ZNF624: variants seen among roughly 807,000 people sequenced by gnomAD.
ZNF624 encodes the protein zinc finger protein 624.
In ZNF624, 43 loss-of-function variants were observed where a neutral mutation model predicts 74.7. The observed-to-expected ratio is 0.58, with a 90% CI of 0.45 to 0.74. ZNF624 has a LOEUF of 0.74. ZNF624 is among the 30% of genes least tolerant of loss of function. ZNF624 has a pLI of 0.00. For missense variants in ZNF624, 820 were observed against 1,030.0 expected, an observed-to-expected ratio of 0.80 and a Z score of 2.79; for synonymous variants, 331 against 341.3, an observed-to-expected ratio of 0.97 and a Z score of 0.33.
intron 1 of ZNF624, 50 bp from the exon 2 acceptor site, chr17:16,649,796 A>T: frequency 1.4e-6 from 2 of 1,472,094 alleles, no homozygotes; most frequent in South Asian, 2.3e-5. Context: ...GGGGAATTTC[A>T]GACTCACCAA....
chr17:16,650,564 T>C (rs944274200), intron 1 of ZNF624, among the ~76,000 whole-genome samples: 3 of 152,168 alleles, frequency 2.0e-5, no homozygotes, highest in African/African-American at 7.2e-5. Flanking sequence ...TTTCCAGGGA[T>C]GCTTGGGCCC....
At position 16,624,088 on chromosome 17, in the gene ZNF624, C is replaced by T. The variant is rs199627072; in HGVS notation, c.798G>A (p.Gly266=). ...GTTTTTCCTTATTATTGGATTTTTT[C>T]CCCAAAGTTAGTTCTGAAGTCTGCC... ...AIRQTSELTL[G]KKSNNKEKPY... Residue 266 remains glycine, a synonymous_variant, in exon 6 of 6, where the codon GGG becomes GGA. Coordinates refer to ENST00000311331, the MANE Select transcript of ZNF624 (RefSeq NM_020787.4). 2.2e-5 allele frequency: 36 copies of T among 1,614,080 alleles called. No individual in the cohort carries two copies. The highest frequency in any genetic ancestry group is 4.0e-5 in the African/African-American group (3 of 75,050).
At chr17:16,637,181 T>C (rs866358533) in intron 3 of ZNF624, among the ~76,000 whole-genome samples, 1 of 152,178 alleles carries the variant, frequency 6.6e-6, no homozygotes, top group African/African-American at 2.4e-5. Context: ...GAAGGACCTC[T>C]TCAAGGAGAA....
chr17:16,641,306 C>A (rs1184998027), intron 3 of ZNF624, among the ~76,000 whole-genome samples: 6 of 151,208 alleles, frequency 4.0e-5, no homozygotes, highest in Non-Finnish European at 5.9e-5. Flanking sequence ...TTTTTGGATA[C>A]AGGATCTTGC....
chr17:16,640,227 C>A (rs1909435340), intron 3 of ZNF624, among the ~76,000 whole-genome samples: 1 of 151,784 alleles, frequency 6.6e-6, no homozygotes, highest in Non-Finnish European at 1.5e-5. Context: ...ATTGAAGGGG[C>A]AAAGAGATAA....
In ZNF624 at chr17:16,623,994, G is replaced by C; in HGVS notation, c.892C>G (p.His298Asp). ...CATTCATAAGGTTTTTCTTTAGTATGAGTTCTTTGATGTTGAATGAGCAAT... is the reference window on the plus strand; with the variant it reads ...CATTCATAAGGTTTTTCTTTAGTATCAGTTCTTTGATGTTGAATGAGCAAT... Reference protein sequence around the residue: ...RSLLIQHQRTHTKEKPYECNE... With the variant: ...RSLLIQHQRTDTKEKPYECNE... The change falls in exon 6 of 6, where the codon CAT becomes GAT. Residue 298 changes from histidine (H) to aspartate (D), a missense_variant. Transcript: ENST00000311331. This position sits in a 1 kb window ranked among gnomAD's most constrained non-coding sequence, Gnocchi z 5.3. 1.2e-6 allele frequency: 2 copies of C among 1,613,742 alleles called. No individual in the cohort carries two copies. The highest frequency in any genetic ancestry group is 1.7e-6 in the Non-Finnish European group (2 of 1,179,958).
chr17:16,616,705 A>G (rs745324826), downstream of ZNF624: 16 of 492,604 alleles, frequency 3.2e-5, no homozygotes, highest in Non-Finnish European at 5.5e-5. Flanking sequence ...TTTTCATCCA[A>G]TTTGGCCACA....
At position 16,622,647 on chromosome 17, in the gene ZNF624, T is replaced by C; in HGVS notation, c.2239A>G (p.Ser747Gly). 6.2e-7 allele frequency: 1 copy of C among 1,614,122 alleles called. No individual in the cohort carries two copies. Among genetic ancestry groups the C allele is most frequent in the Non-Finnish European group, 8.5e-7 (1 of 1,179,980 alleles). The stretch of plus-strand genomic sequence containing the variant: ...TCACACTTATAGGGCTTCTCTCCAC[T>C]ATGGATTTTCTGATGTTCTGTGACA... ...VHVTEHQKIH[S>G]GEKPYKCDVC... is the part of the protein sequence containing the mutation. The change falls in exon 6 of 6, where the codon AGT (serine) becomes GGT (glycine). Residue 747 changes from serine to glycine, a missense_variant. Physicochemically the swap from Ser to Gly is moderately conservative, Grantham distance 56. Transcript: ENST00000311331.
chr17:16,620,898 T>C lies in ZNF624; in HGVS notation c.*1390A>G. ...ACCATCCTTTCATCTCTCTCAAAAG[T>C]TCACATAATTACATAATATTACATT... On this transcript the variant is annotated 3_prime_UTR_variant, in exon 6 of 6. Coordinates refer to ENST00000311331, the MANE Select transcript of ZNF624 (RefSeq NM_020787.4). 6.6e-6 allele frequency: 1 copy of C among 152,174 alleles called. No homozygotes were observed. 9.4% of individuals were successfully genotyped at this position (152,174 alleles called of 1,614,324 possible).
At position 16,622,947 on chromosome 17, in the gene ZNF624, T is replaced by C; in HGVS notation, c.1939A>G (p.Lys647Glu). ...AGGTATGATTTAGTCCTAAAGGACTTTCCACAGTCATAACATTTATAGGGT... is the reference window on the plus strand; with the variant it reads ...AGGTATGATTTAGTCCTAAAGGACTCTCCACAGTCATAACATTTATAGGGT... ...VKPYKCYDCG[K>E]SFRTKSYLIV... is the part of the protein sequence containing the mutation. Residue 647 changes from lysine (K) to glutamate (E), a missense_variant, in exon 6 of 6, where the codon AAG becomes GAG. Lys to Glu is a moderately conservative substitution (Grantham distance 56, BLOSUM62 1). Transcript: ENST00000311331. 1.2e-6 allele frequency: 2 copies of C among 1,614,070 alleles called. No homozygotes were observed. The highest frequency in any genetic ancestry group is 1.7e-6 in the Non-Finnish European group (2 of 1,179,958).
At chr17:16,639,848 A>G (rs1178842311) in intron 3 of ZNF624, among the ~76,000 whole-genome samples, 1 of 152,234 alleles carries the variant, frequency 6.6e-6, no homozygotes, top group Non-Finnish European at 1.5e-5. Flanking sequence ...CAGAGTTGCC[A>G]CATTATATTA....
In ZNF624 at chr17:16,634,055, T is replaced by A. The variant is rs938597304; in HGVS notation, c.281-98A>T. ...CTTAATCTTCTGGGCAGAATGACCA[T>A]TACAGGAAGTTCTAGAGCTGCACTG... On this transcript the variant is annotated intron_variant, in intron 4 of 5. Coordinates refer to ENST00000311331, the MANE Select transcript of ZNF624 (RefSeq NM_020787.4). The A allele has an allele frequency of 5.5e-6, 5 of 904,342 alleles. No individual in the cohort carries two copies. In the African/African-American group the frequency reaches 8.4e-5, roughly 15 times the overall value. The allele number at this position is 904,342 out of a possible 1,614,324, so 56.0% of individuals were successfully genotyped here. A position where few individuals can be genotyped will look rare whatever the true frequency, so the allele number is the denominator to read the frequency against.
chr17:16,617,771 G>C, downstream of ZNF624: 1 of 1,609,688 alleles, frequency 6.2e-7, no homozygotes, highest in South Asian at 1.1e-5. Flanking sequence ...CCACGAAGCC[G>C]TAGCCATTTT....
the ZNF624 span, among the ~76,000 whole-genome samples, chr17:16,615,530 G>A: frequency 6.6e-6 from 1 of 152,084 alleles, no homozygotes; most frequent in Non-Finnish European, 1.5e-5. Flanking sequence ...TTTTTTAAAT[G>A]TTTAAAATCA....
downstream of ZNF624, chr17:16,616,819 TAGTGTG>T (rs1455971056): frequency 1.0e-6 from 1 of 996,418 alleles, no homozygotes; most frequent in African/African-American, 1.6e-5. Context: ...TGTTCCATAA[TAGTGTG>T]CAGACAACAA....
At chr17:16,649,332 G>GA (rs1909665192) in intron 2 of ZNF624, among the ~76,000 whole-genome samples, 1 of 151,992 alleles carries the variant, frequency 6.6e-6, no homozygotes, top group South Asian at 2.1e-4. Context: ...TTTTCCAATT[G>GA]AAAAATATTC....
At chr17:16,642,989 A>G (rs1597497600) in intron 3 of ZNF624, among the ~76,000 whole-genome samples, 1 of 152,362 alleles carries the variant, frequency 6.6e-6, no homozygotes, top group East Asian at 1.9e-4. Flanking sequence ...TTCACACCCA[A>G]TAAGATGTGT....
At chr17:16,643,230 T>C (rs951719371) in intron 3 of ZNF624, among the ~76,000 whole-genome samples, 2 of 152,206 alleles carry the variant, frequency 1.3e-5, no homozygotes, top group African/African-American at 4.8e-5. Context: ...TACACAAATG[T>C]ATTAGCATCA....
Position 16,624,367 on chromosome 17 carries a change from A to G in ZNF624, c.519T>C (p.Asp173=). The part of the protein sequence containing the change: ...SRMEGLWKWN[D]RILRLQNNQE... ...GATTATTTTGTAATCTCAATATCCT[A>G]TCATTCCATTTCCATAACCCTTCCA... Residue 173 remains aspartate, a synonymous_variant, in exon 6 of 6, where the codon GAT becomes GAC. Transcript: ENST00000311331. 6.2e-7 allele frequency: 1 copy of G among 1,613,940 alleles called. No homozygotes were observed. The highest frequency in any genetic ancestry group is 1.1e-5 in the South Asian group (1 of 91,000).
Sources: allele counts gnomAD v4.1 joint callset (sites outside exome capture counted in the v4.1 genomes callset), GRCh38; gene constraint gnomAD v4.1.1; non-coding constraint Gnocchi (gnomAD v3.1); transcripts MANE v1.5; gene names NCBI Gene and HGNC (gene_info 2026-07-23, HGNC 2026-07-21).